The following CSTPP1 variants were observed in gnomAD, a reference collection of about 807,000 sequenced individuals.
The protein encoded by CSTPP1 is centriolar satellite-associated tubulin polyglutamylase complex regulator 1.
chr11:47,102,916 C>A, the CSTPP1 span, among the ~76,000 whole-genome samples: 1 of 142,086 alleles, frequency 7.0e-6, no homozygotes, highest in African/African-American at 2.6e-5. Context: ...TAAGAGGTTT[C>A]TTTTTTCTCT....
At chr11:47,060,536 C>G in the CSTPP1 span, among the ~76,000 whole-genome samples, 1 of 151,998 alleles carries the variant, frequency 6.6e-6, no homozygotes, top group African/African-American at 2.4e-5. Context: ...ACTCTCAAGC[C>G]CACAAAGTCC....
At chr11:47,155,290 C>T in the CSTPP1 span, 16 of 1,573,450 alleles carry the variant, frequency 1.0e-5, no homozygotes, top group Admixed American at 1.7e-5. Context: ...CATCTGGCTC[C>T]GCACAGGACC....
the CSTPP1 span, among the ~76,000 whole-genome samples, chr11:47,134,393 G>T: frequency 7.9e-5 from 12 of 152,066 alleles, no homozygotes; most frequent in Admixed American, 7.9e-4. Context: ...TTTTTGCCAC[G>T]TTGGCCAGGC....
chr11:47,036,262 A>AAT, the CSTPP1 span, among the ~76,000 whole-genome samples: 5 of 65,308 alleles, frequency 7.7e-5, no homozygotes, highest in African/African-American at 1.4e-4. Flanking sequence ...TATATTATAT[A>AAT]ATATATATAT....
At chr11:46,951,778 G>A in the CSTPP1 span, among the ~76,000 whole-genome samples, 1 of 152,082 alleles carries the variant, frequency 6.6e-6, no homozygotes, top group Non-Finnish European at 1.5e-5. Context: ...TATATAGATA[G>A]CAGTTAGTGA....
chr11:47,093,548 T>G, the CSTPP1 span, among the ~76,000 whole-genome samples: 13 of 152,224 alleles, frequency 8.5e-5, no homozygotes, highest in Middle Eastern at 3.4e-3. Context: ...CTTAAGTAAG[T>G]TTTTTGAGGG....
At chr11:46,989,099 A>G in the CSTPP1 span, among the ~76,000 whole-genome samples, 3 of 151,770 alleles carry the variant, frequency 2.0e-5, no homozygotes, top group Admixed American at 6.6e-5. Context: ...GCATGGTGGC[A>G]CGCACCTGTA....
chr11:47,099,843 G>A, the CSTPP1 span, among the ~76,000 whole-genome samples: 1 of 152,154 alleles, frequency 6.6e-6, no homozygotes, highest in Non-Finnish European at 1.5e-5. Flanking sequence ...GCTGAAATTA[G>A]CAAATCAGTA....
At chr11:46,970,927 T>C in the CSTPP1 span, among the ~76,000 whole-genome samples, 2 of 152,198 alleles carry the variant, frequency 1.3e-5, no homozygotes, top group East Asian at 1.9e-4. Flanking sequence ...GATACTACGA[T>C]GTAGCCATTA....
the CSTPP1 span, among the ~76,000 whole-genome samples, chr11:47,128,086 A>G: frequency 6.6e-6 from 1 of 152,146 alleles, no homozygotes; most frequent in Non-Finnish European, 1.5e-5. Flanking sequence ...CATGTTGGCC[A>G]GGCTGGTCTT....
the CSTPP1 span, among the ~76,000 whole-genome samples, chr11:47,029,918 T>C: frequency 6.9e-6 from 1 of 143,916 alleles, no homozygotes; most frequent in Non-Finnish European, 1.5e-5. Context: ...GGCAACATAG[T>C]GAGGCCTCGT....
At chr11:46,986,335 G>C in the CSTPP1 span, among the ~76,000 whole-genome samples, 1 of 150,994 alleles carries the variant, frequency 6.6e-6, no homozygotes, top group Non-Finnish European at 1.5e-5. Context: ...AAGCCAGATA[G>C]ATTTCATGGT....
chr11:46,966,491 A>G, the CSTPP1 span, among the ~76,000 whole-genome samples: 3 of 152,204 alleles, frequency 2.0e-5, no homozygotes, highest in Admixed American at 6.5e-5. Context: ...AACAAATACT[A>G]TCACTTGTTT....
the CSTPP1 span, among the ~76,000 whole-genome samples, chr11:46,939,596 A>T: frequency 6.6e-6 from 1 of 151,834 alleles, no homozygotes; most frequent in Non-Finnish European, 1.5e-5. Flanking sequence ...TCAAGACCAG[A>T]CTGGATGATA....
chr11:46,948,756 A>C, the CSTPP1 span, among the ~76,000 whole-genome samples: 1 of 152,210 alleles, frequency 6.6e-6, no homozygotes, highest in African/African-American at 2.4e-5. Context: ...AAACTTAAGT[A>C]GTCCAATTTA....
the CSTPP1 span, among the ~76,000 whole-genome samples, chr11:46,966,157 C>T: frequency 3.9e-5 from 6 of 152,260 alleles, no homozygotes; most frequent in African/African-American, 1.4e-4. Context: ...ATTCTCCTGC[C>T]TCAGCCTCCC....
At chr11:47,127,695 T>TA in the CSTPP1 span, among the ~76,000 whole-genome samples, 370 of 145,230 alleles carry the variant, frequency 2.5e-3, 1 homozygote, top group African/African-American at 6.1e-3. Context: ...TCTCTTCCTT[T>TA]AAAAAAAAAA....
chr11:46,952,990 G>A, the CSTPP1 span, among the ~76,000 whole-genome samples: 1 of 152,190 alleles, frequency 6.6e-6, no homozygotes, highest in Non-Finnish European at 1.5e-5. Context: ...TTCCTAGACT[G>A]GAGAGTGATT....
At chr11:47,064,770 A>G in the CSTPP1 span, among the ~76,000 whole-genome samples, 4 of 152,000 alleles carry the variant, frequency 2.6e-5, no homozygotes, top group Non-Finnish European at 5.9e-5. Context: ...TTTGAGATAG[A>G]GTCTCACTCT....
Sources: gnomAD v4.1 joint callset for allele counts (sites outside exome capture counted in the v4.1 genomes callset) on GRCh38, gnomAD v4.1.1 for gene constraint, MANE v1.5 for transcripts, NCBI Gene and HGNC (gene_info 2026-07-23, HGNC 2026-07-21) for gene names.